Variants in GTF2B observed in about 807,000 individuals in gnomAD.
GTF2B encodes general transcription factor IIB.
Under a neutral mutation model 34.6 loss-of-function variants are expected in GTF2B, and 20 were observed. The ratio of observed to expected loss-of-function variants is 0.58; its 90% CI spans 0.41 to 0.84. GTF2B has a LOEUF of 0.84. Among genes scored for constraint, GTF2B ranks in the 40% least tolerant of loss-of-function variants. The probability of loss-of-function intolerance (pLI) is 0.00; values close to 1 mark genes in which losing one functional copy is unlikely to be tolerated. For synonymous variants in GTF2B, 142 were observed against 132.4 expected (o/e 1.07, Z -0.50); for missense variants, 237 against 393.3 (o/e 0.60, Z 3.36).
intron 2 of GTF2B, 106 bp from the exon 3 acceptor site, chr1:88,864,220 T>C: frequency 1.0e-6 from 1 of 983,210 alleles, no homozygotes; most frequent in Non-Finnish European, 1.6e-6. Flanking sequence ...AATCTCAACA[T>C]GGACATCTAG....
chr1:88,880,682 A>G (rs6700671), intron 2 of GTF2B, among the ~76,000 whole-genome samples: 1,659 of 152,246 alleles, frequency 0.011, 27 homozygotes, highest in African/African-American at 0.039. Context: ...GGTAAACTGG[A>G]TAAGTTAATG....
chr1:88,889,376 A>G (rs1674148547), intron 1 of GTF2B, among the ~76,000 whole-genome samples: 1 of 152,260 alleles, frequency 6.6e-6, no homozygotes, highest in South Asian at 2.1e-4. Flanking sequence ...GAGAAACAAT[A>G]GGGAGGAATA....
chr1:88,859,901 C>A lies in GTF2B; in HGVS notation c.516G>T (p.Gly172=). The change falls in exon 5 of 7, where the codon GGG becomes GGT. Residue 172 remains glycine, a synonymous_variant. Transcript: ENST00000370500. ...ACTTACCTTTAAATGTCCTAGGAACCCCTTCTTGTCTACAGGCAATATAGA... is the reference window on the plus strand; with the variant it reads ...ACTTACCTTTAAATGTCCTAGGAACACCTTCTTGTCTACAGGCAATATAGA... ...ACLYIACRQE[G]VPRTFKEICA... 6.2e-7 allele frequency: 1 copy of A among 1,613,242 alleles called. No individual in the cohort carries two copies. Among genetic ancestry groups the A allele is most frequent in the Non-Finnish European group, 8.5e-7 (1 of 1,179,576 alleles).
intron 2 of GTF2B, among the ~76,000 whole-genome samples, chr1:88,884,982 G>C (rs1674028290): frequency 6.6e-6 from 1 of 152,222 alleles, no homozygotes; most frequent in Non-Finnish European, 1.5e-5. Flanking sequence ...ACATGTTGCT[G>C]TTATAACTGC....
intron 2 of GTF2B, among the ~76,000 whole-genome samples, chr1:88,873,229 G>A (rs541463527): frequency 1.9e-3 from 244 of 131,790 alleles, no homozygotes; most frequent in South Asian, 4.1e-3. Context: ...TCGCTGTGTC[G>A]CCCAGGCTGG....
In GTF2B at chr1:88,891,532, A is replaced by G. The variant is rs113831634; in HGVS notation, c.-33T>C. The G allele has an allele frequency of 6.2e-5, 98 of 1,592,890 alleles. 2 individuals carry two copies. The African/African-American group carries it at 8.9e-4, about 14-fold the overall frequency. The stretch of plus-strand genomic sequence containing the variant: ...GCGACTGCGGTGCCCGCAACAAGAC[A>G]CAACAGACACACCGAAAGCAGGAAG... On this transcript the variant is annotated 5_prime_UTR_variant, in exon 1 of 7. Coordinates refer to ENST00000370500, the MANE Select transcript of GTF2B (RefSeq NM_001514.6).
intron 2 of GTF2B, among the ~76,000 whole-genome samples, chr1:88,883,589 G>C (rs1341630294): frequency 6.6e-6 from 1 of 151,806 alleles, no homozygotes; most frequent in Non-Finnish European, 1.5e-5. Context: ...CTTGAGCCCA[G>C]GAGTTGAGGC....
At chr1:88,889,488 A>G (rs994076185) in intron 1 of GTF2B, among the ~76,000 whole-genome samples, 2 of 152,344 alleles carry the variant, frequency 1.3e-5, no homozygotes, top group South Asian at 4.1e-4. Flanking sequence ...CATGGACTGT[A>G]TTACTTGTGT....
intron 5 of GTF2B, among the ~76,000 whole-genome samples, chr1:88,858,939 C>A (rs1673377745): frequency 6.6e-6 from 1 of 150,518 alleles, no homozygotes; most frequent in Non-Finnish European, 1.5e-5. Flanking sequence ...GTGATCTCGG[C>A]TCACTGCAAC....
rs79759165 is a variant in GTF2B at position 88,868,666 on chromosome 1, A to T, written c.125-4552T>A. Among the ~76,000 whole-genome samples the T allele has an allele frequency of 4.7e-3, 716 of 152,276 alleles. 1 individual carries two copies. Among genetic ancestry groups the T allele is most frequent in the African/African-American group, 0.016 (676 of 41,554 alleles). ...CACTTGCACCAGTTTCAAGTGGTTT[A>T]GTCACTTTGGCACCTATCTTACAAT... is the stretch of plus-strand genomic sequence containing the variant. On this transcript the variant is annotated intron_variant, in intron 2 of 6. Transcript: ENST00000370500.
intron 2 of GTF2B, among the ~76,000 whole-genome samples, chr1:88,872,176 G>A (rs949914398): frequency 5.3e-5 from 8 of 152,064 alleles, no homozygotes; most frequent in East Asian, 3.9e-4. Flanking sequence ...TTTTTAGGCC[G>A]GGTGCGGTGG....
At chr1:88,874,192 C>T (rs1553163203) in intron 2 of GTF2B, among the ~76,000 whole-genome samples, 1 of 152,136 alleles carries the variant, frequency 6.6e-6, no homozygotes, top group Non-Finnish European at 1.5e-5. Context: ...GGGGAAATTG[C>T]AACACACCAA....
intron 2 of GTF2B, among the ~76,000 whole-genome samples, chr1:88,884,526 C>T (rs1395194833): frequency 1.3e-5 from 2 of 152,236 alleles, no homozygotes; most frequent in Non-Finnish European, 2.9e-5. Flanking sequence ...TCTCTGCATA[C>T]ATTTCTTCAG....
At chr1:88,882,183 G>C (rs183001523) in intron 2 of GTF2B, among the ~76,000 whole-genome samples, 1 of 151,796 alleles carries the variant, frequency 6.6e-6, no homozygotes, top group South Asian at 2.1e-4. Flanking sequence ...GGTGGTGCAT[G>C]CCTGTAATCC....
In GTF2B at chr1:88,861,160, AAAC is replaced by A. The variant is rs752719605; in HGVS notation, c.259-877_259-875del. Among the ~76,000 whole-genome samples the A allele has an allele frequency of 6.4e-4, 97 of 152,380 alleles. 3 individuals carry two copies. The highest frequency in any genetic ancestry group is 3.8e-4 in the Non-Finnish European group (26 of 68,036). On this transcript the variant is annotated intron_variant, in intron 3 of 6. Coordinates refer to ENST00000370500, the MANE Select transcript of GTF2B (RefSeq NM_001514.6). ...ACAAGGAAAGCAAATTTTTCAATTA[AAAC>A]AACAACAAAAATCTTGAAATAAACT...
intron 6 of GTF2B, among the ~76,000 whole-genome samples, chr1:88,856,278 A>AAC (rs1557652078): frequency 1.1e-4 from 14 of 131,522 alleles, no homozygotes; most frequent in African/African-American, 3.9e-4. Flanking sequence ...AAAACAAAAA[A>AAC]AAAAAAAAAA....
At chr1:88,879,045 G>T (rs950043880) in intron 2 of GTF2B, among the ~76,000 whole-genome samples, 3 of 152,124 alleles carry the variant, frequency 2.0e-5, no homozygotes, top group African/African-American at 7.2e-5. Flanking sequence ...ACTAAGTTTT[G>T]AGGTAGTTTG....
chr1:88,889,555 C>A (rs1340591848), intron 1 of GTF2B, among the ~76,000 whole-genome samples: 1 of 152,234 alleles, frequency 6.6e-6, no homozygotes, highest in Non-Finnish European at 1.5e-5. Flanking sequence ...CACTATTTCA[C>A]ATTTAAAAAA....
chr1:88,859,861 A>G, intron 5 of GTF2B, 21 bp downstream of exon 5: 2 of 1,605,828 alleles, frequency 1.2e-6, no homozygotes, highest in Non-Finnish European at 1.7e-6. Flanking sequence ...CAAACACAAA[A>G]AAACAAAGCT....
Sources: gnomAD v4.1 joint callset for allele counts (sites outside exome capture counted in the v4.1 genomes callset) on GRCh38, gnomAD v4.1.1 for gene constraint, MANE v1.5 for transcripts, NCBI Gene and HGNC (gene_info 2026-07-23, HGNC 2026-07-21) for gene names.